UEVLD: variants seen among roughly 807,000 people sequenced by gnomAD.
UEVLD encodes ubiquitin-conjugating enzyme E2 variant 3.
In UEVLD, 47 loss-of-function variants were observed where a neutral mutation model predicts 58.6. The observed-to-expected ratio is 0.80, with a 90% CI of 0.63 to 1.02. The LOEUF is 1.02. UEVLD is among the 50% of genes least tolerant of loss of function. The probability of loss-of-function intolerance (pLI) is 0.00; values close to 1 mark genes in which losing one functional copy is unlikely to be tolerated. For missense variants in UEVLD, 510 were observed against 550.6 expected, an observed-to-expected ratio of 0.93 and a Z score of 0.74; for synonymous variants, 197 against 195.3, an observed-to-expected ratio of 1.01 and a Z score of -0.07.
intron 6 of UEVLD, among the ~76,000 whole-genome samples, chr11:18,564,280 G>A (rs1467761062): frequency 6.6e-6 from 1 of 151,812 alleles, no homozygotes; most frequent in Non-Finnish European, 1.5e-5. Flanking sequence ...ATATATAGAG[G>A]TACAGCTATT....
At chr11:18,587,059 C>G (rs1853608294) in intron 1 of UEVLD, among the ~76,000 whole-genome samples, 1 of 152,002 alleles carries the variant, frequency 6.6e-6, no homozygotes, top group South Asian at 2.1e-4. Flanking sequence ...TAATAATAAG[C>G]TACCTATGTG....
chr11:18,552,037 C>T (rs1215409519), intron 7 of UEVLD, among the ~76,000 whole-genome samples: 1 of 152,144 alleles, frequency 6.6e-6, no homozygotes, highest in Non-Finnish European at 1.5e-5. Flanking sequence ...CTGAAATATT[C>T]TAGCTACTCT....
chr11:18,570,939 CAAA>C (rs34951254), intron 3 of UEVLD, among the ~76,000 whole-genome samples: 17 of 137,612 alleles, frequency 1.2e-4, no homozygotes, highest in Admixed American at 3.7e-4. Flanking sequence ...CCCTGCCTCT[CAAA>C]AAAAAAAAAA....
Position 18,578,738 on chromosome 11 carries a change from G to T in UEVLD, c.113C>A (p.Ser38Tyr). Residue 38 changes from serine to tyrosine, a missense_variant, in exon 2 of 12, where the codon TCC becomes TAC. Physicochemically the swap from Ser to Tyr is moderately radical, Grantham distance 144. Coordinates refer to ENST00000396197, the MANE Select transcript of UEVLD (RefSeq NM_001040697.4). ...ATGATTCTTACCATAGGTGTCCATG[G>T]AATATTTGAAATGTGGGAAAAATAC... is the stretch of plus-strand genomic sequence containing the variant. ...VNVFFPHFKY[S>Y]MDTYVFKDSS... The T allele has an allele frequency of 1.9e-6, 3 of 1,603,986 alleles. No homozygotes were observed. Among genetic ancestry groups the T allele is most frequent in the Non-Finnish European group, 2.6e-6 (3 of 1,173,902 alleles).
At chr11:18,577,711 A>G (rs1459949416) in intron 2 of UEVLD, among the ~76,000 whole-genome samples, 1 of 152,040 alleles carries the variant, frequency 6.6e-6, no homozygotes, top group Non-Finnish European at 1.5e-5. Context: ...CTCTACTAAA[A>G]ATACAAGAAA....
At chr11:18,560,139 AGAGAGAG>A (rs1851966854) in intron 6 of UEVLD, among the ~76,000 whole-genome samples, 1 of 27,680 alleles carries the variant, frequency 3.6e-5, no homozygotes, top group African/African-American at 1.3e-4. Flanking sequence ...ACACACACAC[AGAGAGAG>A]AAAGAAAATA....
chr11:18,572,167 C>T (rs10766486), intron 3 of UEVLD, among the ~76,000 whole-genome samples: 79,620 of 151,878 alleles, frequency 0.52, 22,304 homozygotes, highest in Middle Eastern at 0.65. Context: ...AACTGGGAGG[C>T]GGCGTTTGCA....
rs1028744342 is a variant in UEVLD, at chr11:18,579,733, C to T, written c.43-925G>A. Among the ~76,000 whole-genome samples the T allele has an allele frequency of 3.3e-5, 5 of 152,046 alleles. No homozygotes were observed. In the East Asian group the frequency reaches 9.6e-4, roughly 29 times the overall value. Reference sequence around the variant, plus strand: ...ATCTGCAAAAATAAATAATACTTACCTCTTACACTAGTGGTTAGGTTTAAA... The same window carrying T: ...ATCTGCAAAAATAAATAATACTTACTTCTTACACTAGTGGTTAGGTTTAAA... On this transcript the variant is annotated intron_variant, in intron 1 of 11. Transcript: ENST00000396197.
intron 8 of UEVLD, among the ~76,000 whole-genome samples, chr11:18,545,452 GT>G (rs893622486): frequency 2.1e-5 from 3 of 146,338 alleles, no homozygotes; most frequent in Admixed American, 1.4e-4. Context: ...TTGTTTGTTT[GT>G]TTGTTTTTTG....
chr11:18,571,573 T>C (rs560776477), intron 3 of UEVLD, among the ~76,000 whole-genome samples: 3 of 152,328 alleles, frequency 2.0e-5, no homozygotes, highest in Non-Finnish European at 2.9e-5. Context: ...CCTTGACTCC[T>C]ACCCTGCACA....
intron 9 of UEVLD, among the ~76,000 whole-genome samples, chr11:18,541,653 T>C (rs556559568): frequency 3.5e-4 from 54 of 152,348 alleles, no homozygotes; most frequent in African/African-American, 1.2e-3. Flanking sequence ...TATTACCTTA[T>C]AGATTGAAAT....
intron 6 of UEVLD, chr11:18,564,013 A>G (rs937030881): frequency 2.7e-6 from 1 of 366,754 alleles, no homozygotes; most frequent in African/African-American, 2.1e-5. Context: ...TAAAAAAAAA[A>G]AAAAAAAAAA....
intron 8 of UEVLD, among the ~76,000 whole-genome samples, chr11:18,545,197 C>T (rs1429425355): frequency 1.7e-4 from 25 of 149,848 alleles, no homozygotes; most frequent in Admixed American, 1.3e-4. Context: ...CTCAGCCTCC[C>T]GAGTAGCTGG....
chr11:18,543,520 G>A (rs912200330), intron 9 of UEVLD, among the ~76,000 whole-genome samples: 1 of 152,094 alleles, frequency 6.6e-6, no homozygotes, highest in African/African-American at 2.4e-5. Context: ...CCAAACTCCA[G>A]TTCAAACTCC....
At chr11:18,579,318 C>T in intron 1 of UEVLD, 2 of 342,242 alleles carry the variant, frequency 5.8e-6, no homozygotes, top group Non-Finnish European at 8.3e-6. Context: ...AAAATGAAAG[C>T]TAGAGAATCA....
chr11:18,544,832 T>G (rs756599866), intron 8 of UEVLD, 36 bp from the exon 9 acceptor site: 1 of 1,447,276 alleles, frequency 6.9e-7, no homozygotes, highest in East Asian at 2.6e-5. Context: ...ATGTAAAGGT[T>G]AAAAAATATA....
intron 4 of UEVLD, among the ~76,000 whole-genome samples, chr11:18,569,431 T>C (rs1269627103): frequency 6.6e-6 from 1 of 152,212 alleles, no homozygotes; most frequent in East Asian, 1.9e-4. Context: ...TTTAGTAATA[T>C]ATAAGAAAAT....
intron 11 of UEVLD, 106 bp from the exon 12 acceptor site, chr11:18,532,593 T>C (rs1850614425): frequency 2.0e-6 from 2 of 1,013,568 alleles, no homozygotes. Flanking sequence ...GTGATACAAG[T>C]TGGACTTAAA....
intron 1 of UEVLD, among the ~76,000 whole-genome samples, chr11:18,581,098 G>A (rs1356337110): frequency 1.3e-5 from 2 of 151,008 alleles, no homozygotes; most frequent in East Asian, 3.9e-4. Context: ...GGAGGCGGAG[G>A]TTGCAGTGGG....
Sources: allele counts gnomAD v4.1 joint callset (sites outside exome capture counted in the v4.1 genomes callset), GRCh38; gene constraint gnomAD v4.1.1; transcripts MANE v1.5; gene names NCBI Gene and HGNC (gene_info 2026-07-23, HGNC 2026-07-21).